GRIP1: variants seen among roughly 807,000 people sequenced by gnomAD.
GRIP1 encodes glutamate receptor interacting protein 1.
In GRIP1, 45 loss-of-function variants were observed where a neutral mutation model predicts 129.9. The observed-to-expected ratio is 0.35, with a 90% CI of 0.27 to 0.44. The LOEUF (loss-of-function observed/expected upper bound fraction) is 0.44, where lower values mean the gene tolerates loss of function less well. Ranked by LOEUF, GRIP1 falls within the 20% of genes least tolerant of loss-of-function variation. The pLI, the probability that GRIP1 is intolerant of heterozygous loss-of-function variation, is 1.00. For missense variants in GRIP1, 1,196 were observed against 1,396.8 expected (o/e 0.86, Z 2.29); for synonymous variants, 530 against 520.8 (o/e 1.02, Z -0.24).
intron 2 of GRIP1, among the ~76,000 whole-genome samples, chr12:66,546,062 G>A (rs934965846): frequency 2.0e-5 from 3 of 152,008 alleles, no homozygotes; most frequent in Non-Finnish European, 4.4e-5. Context: ...CAAAATCCCA[G>A]CAAAATATTT....
At chr12:67,041,233 C>T (rs893043901) in intron 1 of GRIP1, among the ~76,000 whole-genome samples, 1 of 151,618 alleles carries the variant, frequency 6.6e-6, no homozygotes, top group Admixed American at 6.6e-5. Context: ...ATTATATATA[C>T]ATGTATGCAC....
intron 1 of GRIP1, among the ~76,000 whole-genome samples, chr12:66,978,559 A>G (rs2042189745): frequency 6.6e-6 from 1 of 152,196 alleles, no homozygotes; most frequent in Non-Finnish European, 1.5e-5. Flanking sequence ...CAAGGAGGAA[A>G]TGCTACTGCA....
chr12:66,764,075 T>A (rs1386555099), intron 1 of GRIP1, among the ~76,000 whole-genome samples: 1 of 152,190 alleles, frequency 6.6e-6, no homozygotes, highest in East Asian at 1.9e-4. Context: ...GCAAAAGTGA[T>A]GTGGACCATG....
In GRIP1 at chr12:66,390,902, T is replaced by C. The variant is rs551953584; in HGVS notation, c.2464+1406A>G. 6.4e-4 allele frequency among the ~76,000 whole-genome samples: 98 copies of C among 152,346 alleles called. 2 individuals carry two copies. The highest frequency in any genetic ancestry group is 2.2e-3 in the African/African-American group (93 of 41,588). On this transcript the variant is annotated intron_variant, in intron 19 of 24. Coordinates refer to ENST00000359742, the MANE Select transcript of GRIP1 (RefSeq NM_001366722.1). ...AGGTATTATGACTTGGAAAAATTAA[T>C]TGCCAGATAAAGCCCCAATTCTACT...
chr12:66,709,101 A>G (rs1365394964), intron 1 of GRIP1, among the ~76,000 whole-genome samples: 2 of 152,084 alleles, frequency 1.3e-5, no homozygotes, highest in East Asian at 3.9e-4. Context: ...ACAGCAAATA[A>G]AAAGAAATAC....
rs2063500877 is a variant in GRIP1 at position 66,583,781 on chromosome 12, G to A, written c.136+13066C>T. ...CAACAGGTGCTGGAGAGGATGTGGAGAAATAGGAACACTTTTACACTGTTG... is the reference window on the plus strand; with the variant it reads ...CAACAGGTGCTGGAGAGGATGTGGAAAAATAGGAACACTTTTACACTGTTG... On this transcript the variant is annotated intron_variant, in intron 2 of 24. Transcript: ENST00000359742. 1.5e-5 allele frequency among the ~76,000 whole-genome samples: 2 copies of A among 135,958 alleles called. 1 individual carries two copies. The highest frequency in any genetic ancestry group is 3.2e-5 in the Non-Finnish European group (2 of 61,566). 89.2% of individuals were successfully genotyped at this position (135,958 alleles called of 152,430 possible). A position where few individuals can be genotyped will look rare whatever the true frequency, so the allele number is the denominator to read the frequency against.
intron 1 of GRIP1, among the ~76,000 whole-genome samples, chr12:66,937,783 G>C (rs1233886066): frequency 6.6e-6 from 1 of 152,134 alleles, no homozygotes; most frequent in Non-Finnish European, 1.5e-5. Flanking sequence ...GAAAGGGGCA[G>C]TTGATGCTAC....
rs562664837 is a variant in GRIP1, at chr12:66,376,592, A to T, written c.2778+425T>A. On this transcript the variant is annotated intron_variant, in intron 22 of 24. Coordinates refer to ENST00000359742, the MANE Select transcript of GRIP1 (RefSeq NM_001366722.1). The stretch of plus-strand genomic sequence containing the variant: ...GAATCAGGATTTACAATTAACAGCA[A>T]TGTACTGTGTAATATTTTTGCTGCT... Among the ~76,000 whole-genome samples the T allele has an allele frequency of 7.2e-5, 11 of 152,320 alleles. No homozygotes were observed. The East Asian group carries it at 2.1e-3, about 29-fold the overall frequency.
chr12:67,021,952 G>A (rs893287254), intron 1 of GRIP1, among the ~76,000 whole-genome samples: 1 of 152,112 alleles, frequency 6.6e-6, no homozygotes, highest in Non-Finnish European at 1.5e-5. Context: ...ATATCCTCCA[G>A]ACTCATCCAT....
intron 2 of GRIP1, among the ~76,000 whole-genome samples, chr12:66,589,217 TC>T (rs1337577320): frequency 6.9e-6 from 1 of 144,852 alleles, no homozygotes; most frequent in African/African-American, 2.6e-5. Flanking sequence ...TCTCTCTCTC[TC>T]TCTCTCTCTG....
chr12:66,704,913 T>C (rs1424774243), intron 1 of GRIP1, among the ~76,000 whole-genome samples: 1 of 152,088 alleles, frequency 6.6e-6, no homozygotes, highest in Non-Finnish European at 1.5e-5. Context: ...TGCCATAGCA[T>C]CCTGAAGTCC....
intron 15 of GRIP1, among the ~76,000 whole-genome samples, chr12:66,416,977 A>AG (rs2057629340): frequency 1.3e-5 from 2 of 151,820 alleles, no homozygotes; most frequent in South Asian, 4.1e-4. Flanking sequence ...GAAAAGAAAA[A>AG]GAAAAAGAAA....
chr12:66,402,543 T>C (rs1297929300), intron 16 of GRIP1, among the ~76,000 whole-genome samples: 3 of 152,214 alleles, frequency 2.0e-5, no homozygotes, highest in Non-Finnish European at 2.9e-5. Flanking sequence ...CCAATTGCAG[T>C]ACAAGCTAGC....
intron 1 of GRIP1, among the ~76,000 whole-genome samples, chr12:67,024,875 T>C (rs2042918913): frequency 6.6e-6 from 1 of 152,228 alleles, no homozygotes; most frequent in South Asian, 2.1e-4. Flanking sequence ...CTAATAATGT[T>C]TAAAAACTTA....
chr12:67,017,135 T>C (rs1005595026), intron 1 of GRIP1, among the ~76,000 whole-genome samples: 2 of 152,170 alleles, frequency 1.3e-5, no homozygotes, highest in Non-Finnish European at 2.9e-5. Context: ...TGACAGTTAT[T>C]TGCACTCAAA....
At chr12:66,868,557 T>G (rs912798258) in intron 1 of GRIP1, among the ~76,000 whole-genome samples, 2 of 151,902 alleles carry the variant, frequency 1.3e-5, no homozygotes, top group African/African-American at 4.8e-5. Flanking sequence ...CTCCAAAGCT[T>G]CTCATTTTTC....
chr12:67,038,039 T>A (rs2043124241), intron 1 of GRIP1, among the ~76,000 whole-genome samples: 1 of 146,996 alleles, frequency 6.8e-6, no homozygotes, highest in African/African-American at 2.5e-5. Context: ...CATACATAAG[T>A]CATCTATATG....
intron 2 of GRIP1, among the ~76,000 whole-genome samples, chr12:66,590,568 G>T (rs17779375): frequency 0.25 from 37,383 of 152,036 alleles, 4,736 homozygotes; most frequent in Admixed American, 0.28. Flanking sequence ...ATAGACTAGG[G>T]TTTTTCCTCA....
intron 1 of GRIP1, among the ~76,000 whole-genome samples, chr12:66,977,088 GAACATC>G (rs2042163386): frequency 6.6e-6 from 1 of 152,024 alleles, no homozygotes; most frequent in African/African-American, 2.4e-5. Flanking sequence ...TAATTACAAG[GAACATC>G]AATGGATAGC....
Sources: allele counts gnomAD v4.1 joint callset (sites outside exome capture counted in the v4.1 genomes callset), GRCh38; gene constraint gnomAD v4.1.1; transcripts MANE v1.5; gene names NCBI Gene and HGNC (gene_info 2026-07-23, HGNC 2026-07-21).